The following PRKAG2 variants were observed in gnomAD, a reference collection of about 807,000 sequenced individuals.
PRKAG2 encodes the protein protein kinase AMP-activated non-catalytic subunit gamma 2.
A neutral mutation model predicts 69.6 loss-of-function variants in PRKAG2; 26 were observed. The ratio of observed to expected loss-of-function variants is 0.37; its 90% CI spans 0.27 to 0.52. PRKAG2 has a LOEUF of 0.52. Ranked by LOEUF, PRKAG2 falls within the 20% of genes least tolerant of loss-of-function variation. PRKAG2 has a pLI of 0.90. For missense variants in PRKAG2, 557 were observed against 740.0 expected (o/e 0.75, Z 2.87); for synonymous variants, 293 against 285.0 (o/e 1.03, Z -0.28).
At chr7:151,808,700 A>G (rs571435601) in intron 1 of PRKAG2, among the ~76,000 whole-genome samples, 1 of 151,650 alleles carries the variant, frequency 6.6e-6, no homozygotes, top group Non-Finnish European at 1.5e-5. Flanking sequence ...GGTGAACAGG[A>G]GAAAAAAAAA....
intron 4 of PRKAG2, among the ~76,000 whole-genome samples, chr7:151,672,241 AC>A (rs1832167085): frequency 6.6e-6 from 1 of 152,142 alleles, no homozygotes; most frequent in African/African-American, 2.4e-5. Flanking sequence ...AGCTGGGATT[AC>A]AGGTGTCTGC....
chr7:151,703,845 A>AACACACAC (rs535818189), intron 3 of PRKAG2, among the ~76,000 whole-genome samples: 1,973 of 88,482 alleles, frequency 0.022, 61 homozygotes, highest in East Asian at 0.03. Flanking sequence ...TTTACTGGAA[A>AACACACAC]ACACACACAC....
At chr7:151,832,242 G>GGAAGGGAGGAGGGAA (rs2079045984) in intron 1 of PRKAG2, among the ~76,000 whole-genome samples, 1 of 23,402 alleles carries the variant, frequency 4.3e-5, no homozygotes, top group African/African-American at 1.1e-4. Context: ...GAGAGGAGGA[G>GGAAGGGAGGAGGGAA]GGAAGGAAGG....
intron 1 of PRKAG2, among the ~76,000 whole-genome samples, chr7:151,853,148 A>T (rs1269658218): frequency 6.6e-6 from 1 of 152,134 alleles, no homozygotes; most frequent in Admixed American, 6.5e-5. Context: ...TAAACTTTTT[A>T]AAAGTAGGTG....
rs1586767586 is a variant in PRKAG2 at position 151,876,537 on chromosome 7, C to T, written c.84G>A (p.Gln28=). 6.2e-7 allele frequency: 1 copy of T among 1,608,866 alleles called. No homozygotes were observed. Among genetic ancestry groups the T allele is most frequent in the East Asian group, 2.2e-5 (1 of 44,848 alleles). Residue 28 remains glutamine, a synonymous_variant, in exon 1 of 16, where the codon CAG becomes CAA. Transcript: ENST00000287878. ...TGTGCACGCGCAGCGAACGCCTCTT[C>T]TGGCTGGCATTTTTCTTGCCGCCGC... ...GGSGGKKNAS[Q]KRRSLRVHIP...
intron 4 of PRKAG2, among the ~76,000 whole-genome samples, chr7:151,654,742 G>T (rs1463412866): frequency 6.6e-6 from 1 of 152,220 alleles, no homozygotes; most frequent in African/African-American, 2.4e-5. Context: ...GCCCAGGCTG[G>T]GGTGCAGTGG....
At chr7:151,831,348 A>G (rs1332331427) in intron 1 of PRKAG2, among the ~76,000 whole-genome samples, 2 of 152,234 alleles carry the variant, frequency 1.3e-5, no homozygotes, top group Non-Finnish European at 2.9e-5. Flanking sequence ...ATTTCCTTTG[A>G]TGAATGAGCA....
chr7:151,679,378 C>T (rs993684753), intron 3 of PRKAG2, among the ~76,000 whole-genome samples: 1 of 152,156 alleles, frequency 6.6e-6, no homozygotes, highest in African/African-American at 2.4e-5. Flanking sequence ...CCAGCAGGGG[C>T]TCGTCCTGGT....
chr7:151,561,655 G>A (rs112179308), intron 14 of PRKAG2, among the ~76,000 whole-genome samples: 2 of 152,318 alleles, frequency 1.3e-5, no homozygotes, highest in African/African-American at 4.8e-5. Flanking sequence ...CATGATGGCC[G>A]GGCGCGATGG....
intron 3 of PRKAG2, among the ~76,000 whole-genome samples, chr7:151,696,371 G>A (rs1836664953): frequency 1.3e-5 from 2 of 152,186 alleles, no homozygotes; most frequent in Admixed American, 6.5e-5. Flanking sequence ...GTGGGGCTCC[G>A]GGGCAGCGCA....
At chr7:151,672,437 G>C (rs558781689) in intron 4 of PRKAG2, among the ~76,000 whole-genome samples, 4 of 152,248 alleles carry the variant, frequency 2.6e-5, no homozygotes, top group African/African-American at 9.6e-5. Flanking sequence ...GTTGCAGCAA[G>C]TACATTCATA....
At position 151,632,399 on chromosome 7, in the gene PRKAG2, G is replaced by A. The variant is rs1585375034; in HGVS notation, c.685-261C>T. 6.2e-6 allele frequency: 3 copies of A among 480,244 alleles called. No homozygotes were observed. The highest frequency in any genetic ancestry group is 4.2e-5 in the African/African-American group (2 of 47,088). 29.7% of individuals were successfully genotyped at this position (480,244 alleles called of 1,614,324 possible). ...AGTGGGACGCGCCGCTCCCCCCCGC[G>A]CCTTGGTACGGCCCGCCCGGGAGGA... On this transcript the variant is annotated intron_variant, in intron 4 of 15. Transcript: ENST00000287878. The surrounding 1 kb of genome is among the most constrained non-coding windows in gnomAD (Gnocchi z 4.2).
intron 5 of PRKAG2, among the ~76,000 whole-genome samples, chr7:151,620,825 A>G (rs536921636): frequency 6.6e-6 from 1 of 151,776 alleles, no homozygotes; most frequent in East Asian, 1.9e-4. Flanking sequence ...AAAATTAAAG[A>G]TGGGGTTTTG....
chr7:151,614,056 C>T lies in PRKAG2; in HGVS notation c.754+18013G>A, dbSNP rs1167695164. ...GACCTCAGGTGATCCACCTTACCTC[C>T]AACTCAGACACCCCCGCTCCAGTGA... On this transcript the variant is annotated intron_variant, in intron 5 of 15. Coordinates refer to ENST00000287878, the MANE Select transcript of PRKAG2 (RefSeq NM_016203.4). This position sits in a 1 kb window ranked among gnomAD's most constrained non-coding sequence, Gnocchi z 4.4. Among the ~76,000 whole-genome samples the T allele has an allele frequency of 6.6e-6, 1 of 152,092 alleles. No homozygotes were observed. The highest frequency in any genetic ancestry group is 1.9e-4 in the East Asian group (1 of 5,186).
chr7:151,852,422 G>T (rs539450511), intron 1 of PRKAG2, among the ~76,000 whole-genome samples: 33 of 152,114 alleles, frequency 2.2e-4, no homozygotes, highest in South Asian at 4.1e-4. Flanking sequence ...TTGAACCCAG[G>T]GGGTGGAGGT....
chr7:151,673,695 C>T (rs986280398), intron 4 of PRKAG2, among the ~76,000 whole-genome samples: 3 of 152,198 alleles, frequency 2.0e-5, no homozygotes, highest in Non-Finnish European at 4.4e-5. Flanking sequence ...ACAACTGTTA[C>T]AGATTGGACC....
At chr7:151,657,311 C>T (rs957503276) in intron 4 of PRKAG2, among the ~76,000 whole-genome samples, 4 of 152,158 alleles carry the variant, frequency 2.6e-5, no homozygotes, top group African/African-American at 4.8e-5. Flanking sequence ...TTTCCTCTCT[C>T]GGTAGTTCTG....
At chr7:151,698,668 T>A (rs56145758) in intron 3 of PRKAG2, among the ~76,000 whole-genome samples, 3,101 of 152,250 alleles carry the variant, frequency 0.02, 107 homozygotes, top group African/African-American at 0.072. Flanking sequence ...ACCAGCACCA[T>A]GCTTCTCCTA....
intron 1 of PRKAG2, among the ~76,000 whole-genome samples, chr7:151,801,878 G>A (rs1012109815): frequency 1.3e-5 from 2 of 152,190 alleles, no homozygotes; most frequent in African/African-American, 4.8e-5. Flanking sequence ...AGCCTGCATC[G>A]CATGTCCTAG....
Sources: allele counts gnomAD v4.1 joint callset (sites outside exome capture counted in the v4.1 genomes callset), GRCh38; gene constraint gnomAD v4.1.1; non-coding constraint Gnocchi (gnomAD v3.1); transcripts MANE v1.5; gene names NCBI Gene and HGNC (gene_info 2026-07-23, HGNC 2026-07-21).